Variants in FRMD4A observed in about 807,000 individuals in gnomAD.
FRMD4A encodes FERM domain-containing protein 4A.
FRMD4A carries 29 observed loss-of-function variants against 129.1 expected under a neutral mutation model. The ratio of observed to expected loss-of-function variants is 0.22; its 90% CI spans 0.17 to 0.31. The LOEUF is 0.31. Among genes scored for constraint, FRMD4A ranks in the 10% least tolerant of loss-of-function variants. FRMD4A has a pLI of 1.00. For missense variants in FRMD4A, 1,272 were observed against 1,375.8 expected (o/e 0.92, Z 1.19); for synonymous variants, 634 against 571.6 (o/e 1.11, Z -1.56).
chr10:14,133,815 C>A (rs1229308026), intron 2 of FRMD4A, among the ~76,000 whole-genome samples: 1 of 152,216 alleles, frequency 6.6e-6, no homozygotes, highest in Non-Finnish European at 1.5e-5. Context: ...AAAAGCCCAT[C>A]ATTTCGAGGA....
intron 12 of FRMD4A, among the ~76,000 whole-genome samples, chr10:13,724,028 A>C (rs554355533): frequency 6.6e-6 from 1 of 152,240 alleles, no homozygotes; most frequent in Non-Finnish European, 1.5e-5. Context: ...CAGAAAAGTC[A>C]TGGGACTGCC....
At chr10:14,180,713 G>A (rs1841887021) in intron 2 of FRMD4A, among the ~76,000 whole-genome samples, 1 of 152,208 alleles carries the variant, frequency 6.6e-6, no homozygotes, top group Non-Finnish European at 1.5e-5. Flanking sequence ...GAGCAGAGCT[G>A]ACTAGAACTC....
At chr10:13,941,668 A>C (rs2095293630) in intron 2 of FRMD4A, among the ~76,000 whole-genome samples, 1 of 152,170 alleles carries the variant, frequency 6.6e-6, no homozygotes, top group African/African-American at 2.4e-5. Context: ...TTGCCCTCAG[A>C]CAGAAGGGCA....
At chr10:14,052,323 A>T (rs887565928) in intron 2 of FRMD4A, among the ~76,000 whole-genome samples, 1 of 152,224 alleles carries the variant, frequency 6.6e-6, no homozygotes, top group Non-Finnish European at 1.5e-5. Flanking sequence ...AAGCTCATAC[A>T]CACAGCTGTA....
At chr10:14,212,485 C>A (rs564735401) in intron 2 of FRMD4A, among the ~76,000 whole-genome samples, 2 of 152,200 alleles carry the variant, frequency 1.3e-5, no homozygotes, top group African/African-American at 4.8e-5. Context: ...TCTACTCCCC[C>A]GATACCGAAT....
chr10:14,206,765 C>T (rs1842791709), intron 2 of FRMD4A, among the ~76,000 whole-genome samples: 1 of 133,224 alleles, frequency 7.5e-6, no homozygotes, highest in Non-Finnish European at 1.5e-5. Context: ...TGAGATCGCG[C>T]CACTACACTC....
chr10:14,020,975 A>G (rs1832719381), intron 2 of FRMD4A, among the ~76,000 whole-genome samples: 1 of 152,166 alleles, frequency 6.6e-6, no homozygotes, highest in African/African-American at 2.4e-5. Flanking sequence ...CCTCCTTGGC[A>G]TCAGACACAC....
rs974415190 is a variant in FRMD4A at position 13,821,136 on chromosome 10, C to CG, written c.112-10229dup. ...TATTCCCGGGGAGGGGAAGCTGCTGCGGGGGGTGCATGAGGTGACTCTGTG... is the reference window on the plus strand; with the variant it reads ...TATTCCCGGGGAGGGGAAGCTGCTGCGGGGGGGTGCATGAGGTGACTCTGTG... On this transcript the variant is annotated intron_variant, in intron 3 of 24. Transcript: ENST00000357447. This position sits in a 1 kb window ranked among gnomAD's most constrained non-coding sequence, Gnocchi z 4.3. Among the ~76,000 whole-genome samples the CG allele has an allele frequency of 4.6e-5, 7 of 152,166 alleles. No individual in the cohort carries two copies. Among genetic ancestry groups the CG allele is most frequent in the African/African-American group, 1.7e-4 (7 of 41,508 alleles).
At chr10:14,105,558 T>C (rs987623219) in intron 2 of FRMD4A, among the ~76,000 whole-genome samples, 2 of 152,212 alleles carry the variant, frequency 1.3e-5, no homozygotes, top group African/African-American at 4.8e-5. Flanking sequence ...CTCTAAAAGA[T>C]AGAGATTTAA....
At chr10:14,278,554 C>T (rs1845416011) in intron 2 of FRMD4A, among the ~76,000 whole-genome samples, 1 of 152,214 alleles carries the variant, frequency 6.6e-6, no homozygotes, top group Non-Finnish European at 1.5e-5. Context: ...GTTCTTACAA[C>T]CCTTTGTTGA....
intron 2 of FRMD4A, among the ~76,000 whole-genome samples, chr10:13,923,289 C>T (rs139971191): frequency 5.9e-5 from 9 of 152,292 alleles, no homozygotes; most frequent in South Asian, 2.1e-4. Context: ...AAATAAACAG[C>T]TTTCTTCTTC....
At chr10:13,785,684 C>T (rs796942526) in intron 5 of FRMD4A, among the ~76,000 whole-genome samples, 3 of 151,918 alleles carry the variant, frequency 2.0e-5, no homozygotes, top group African/African-American at 4.8e-5. Context: ...AGGTTTGTTA[C>T]GTATGTATAC....
intron 22 of FRMD4A, 150 bp downstream of exon 22, chr10:13,656,486 G>C (rs970895437): frequency 2.1e-6 from 2 of 954,772 alleles, no homozygotes; most frequent in African/African-American, 1.7e-5. Flanking sequence ...CAAGTCTCCC[G>C]CATCTAACAG....
chr10:13,827,058 G>T (rs1450593158), intron 3 of FRMD4A, among the ~76,000 whole-genome samples: 1 of 152,172 alleles, frequency 6.6e-6, no homozygotes, highest in Admixed American at 6.5e-5. Flanking sequence ...CACAGAATAG[G>T]GGGATTAGGA....
chr10:13,732,024 A>C (rs2090353187), intron 12 of FRMD4A, among the ~76,000 whole-genome samples: 1 of 152,176 alleles, frequency 6.6e-6, no homozygotes, highest in East Asian at 1.9e-4. Context: ...AAACTCCAGC[A>C]GCTTGCATTG....
Position 14,330,757 on chromosome 10 carries a change from A to G in FRMD4A, c.-242T>C, listed in dbSNP as rs934091363. On this transcript the variant is annotated 5_prime_UTR_variant, in exon 1 of 25. Transcript: ENST00000357447. ...ACCATCCCCGAGGAGGAAGTCACTTAGGAACTGACCCTTCCACCTTCCCCA... is the reference window on the plus strand; with the variant it reads ...ACCATCCCCGAGGAGGAAGTCACTTGGGAACTGACCCTTCCACCTTCCCCA... The G allele has an allele frequency of 1.0e-5, 4 of 398,960 alleles. No individual in the cohort carries two copies. Among genetic ancestry groups the G allele is most frequent in the African/African-American group, 8.2e-5 (4 of 48,630 alleles). 24.7% of individuals were successfully genotyped at this position (398,960 alleles called of 1,614,324 possible).
chr10:13,974,891 A>C (rs141564530), intron 2 of FRMD4A, among the ~76,000 whole-genome samples: 475 of 152,354 alleles, frequency 3.1e-3, no homozygotes, highest in African/African-American at 0.011. Context: ...GGCCTCTGAG[A>C]GGCTGTGCGT....
At chr10:13,955,992 C>T (rs1220787223) in intron 2 of FRMD4A, among the ~76,000 whole-genome samples, 1 of 152,214 alleles carries the variant, frequency 6.6e-6, no homozygotes, top group African/African-American at 2.4e-5. Flanking sequence ...CTTTCAAATT[C>T]ATCTCTACAG....
intron 2 of FRMD4A, among the ~76,000 whole-genome samples, chr10:14,227,528 A>G (rs1843486303): frequency 6.6e-6 from 1 of 152,066 alleles, no homozygotes; most frequent in African/African-American, 2.4e-5. Flanking sequence ...CTGGGATTAC[A>G]GATGTGAGCC....
Sources: allele counts gnomAD v4.1 joint callset (sites outside exome capture counted in the v4.1 genomes callset), GRCh38; gene constraint gnomAD v4.1.1; non-coding constraint Gnocchi (gnomAD v3.1); transcripts MANE v1.5; gene names NCBI Gene and HGNC (gene_info 2026-07-23, HGNC 2026-07-21).